ASXL1: variants seen among roughly 807,000 people sequenced by gnomAD.
ASXL1 encodes polycomb group protein ASXL1.
A neutral mutation model predicts 89.1 loss-of-function variants in ASXL1; 65 were observed. The ratio of observed to expected loss-of-function variants is 0.73; its 90% CI spans 0.60 to 0.90. The LOEUF (loss-of-function observed/expected upper bound fraction) is 0.90. ASXL1 is among the 40% of genes least tolerant of loss of function. The pLI is 0.00. For synonymous variants in ASXL1, 739 were observed against 746.9 expected (o/e 0.99, Z 0.17); for missense variants, 1,786 against 1,942.9 (o/e 0.92, Z 1.52).
intron 4 of ASXL1, among the ~76,000 whole-genome samples, chr20:32,418,306 A>G (rs2049173189): frequency 6.6e-6 from 1 of 152,194 alleles, no homozygotes; most frequent in African/African-American, 2.4e-5. Context: ...TGGGAGGTCA[A>G]GGCTGCAAAT....
At chr20:32,384,960 G>A (rs1302699894) in intron 4 of ASXL1, among the ~76,000 whole-genome samples, 1 of 151,844 alleles carries the variant, frequency 6.6e-6, no homozygotes, top group Non-Finnish European at 1.5e-5. Context: ...GGCTTCCTTG[G>A]GACTGCATTT....
chr20:32,411,047 T>TA (rs1247010175), intron 4 of ASXL1, among the ~76,000 whole-genome samples: 1 of 12,376 alleles, frequency 8.1e-5, no homozygotes, highest in Non-Finnish European at 3.0e-4. Flanking sequence ...AAAAAAAAAA[T>TA]AAAAAAAATA....
chr20:32,408,613 C>T (rs374994055), intron 4 of ASXL1, among the ~76,000 whole-genome samples: 1 of 152,092 alleles, frequency 6.6e-6, no homozygotes, highest in Non-Finnish European at 1.5e-5. Context: ...AGTGCAGTGA[C>T]GCAGTCCTAG....
intron 4 of ASXL1, among the ~76,000 whole-genome samples, chr20:32,376,622 A>G (rs989526723): frequency 1.3e-5 from 2 of 151,978 alleles, no homozygotes; most frequent in African/African-American, 4.8e-5. Context: ...TTTTAAAGGT[A>G]GTAGTGACAC....
rs1465919474 is a variant in ASXL1, at chr20:32,436,336, A to G, written c.3624A>G (p.Pro1208=). The stretch of plus-strand genomic sequence containing the variant: ...CCCAAAAGAATTGCAAGGCAGTCCC[A>G]AGTTTTGACTCCCTCCATCCAGTGA... ...GAPQKNCKAV[P]SFDSLHPVTN... The change falls in exon 13 of 13, where the codon CCA becomes CCG. Residue 1208 remains proline (P), a synonymous_variant. Transcript: ENST00000375687. 3.7e-6 allele frequency: 6 copies of G among 1,613,968 alleles called. No homozygotes were observed. The highest frequency in any genetic ancestry group is 5.1e-6 in the Non-Finnish European group (6 of 1,180,026).
At chr20:32,400,100 T>C (rs551806305) in intron 4 of ASXL1, among the ~76,000 whole-genome samples, 36 of 54,270 alleles carry the variant, frequency 6.6e-4, no homozygotes, top group Non-Finnish European at 8.5e-4. Context: ...TTTGATTTGG[T>C]TTAAAAAAAA....
chr20:32,398,603 G>GTTTTTTTTT (rs375341392), intron 4 of ASXL1, among the ~76,000 whole-genome samples: 1 of 126,448 alleles, frequency 7.9e-6, no homozygotes, highest in Non-Finnish European at 1.6e-5. Context: ...TTTTTTGTTT[G>GTTTTTTTTT]TTTTTTTTTT....
intron 4 of ASXL1, among the ~76,000 whole-genome samples, chr20:32,384,007 T>G (rs1198157915): frequency 6.6e-6 from 1 of 152,120 alleles, no homozygotes; most frequent in Non-Finnish European, 1.5e-5. Flanking sequence ...CTAGCCTTTT[T>G]AGATTGTTGT....
chr20:32,435,699 G>GT lies in ASXL1; in HGVS notation c.2988dup (p.Glu997Ter). On this transcript the variant is annotated frameshift_variant, in exon 13 of 13. Coordinates refer to ENST00000375687, the MANE Select transcript of ASXL1 (RefSeq NM_015338.6). LOFTEE classifies it low-confidence loss of function (END_TRUNC). The stretch of plus-strand genomic sequence containing the variant: ...GACTCTGAAGCACTGAGTCCTCACG[G>GT]TGAGTCCACGGATACAGCCTCTGAC... The GT allele has an allele frequency of 6.2e-7, 1 of 1,614,178 alleles. No individual in the cohort carries two copies.
chr20:32,358,975 C>T lies in ASXL1; in HGVS notation c.57+143C>T. The T allele has an allele frequency of 6.4e-6, 6 of 940,428 alleles. No homozygotes were observed. The Admixed American group carries it at 9.5e-5, about 15-fold the overall frequency. 58.3% of individuals were successfully genotyped at this position (940,428 alleles called of 1,614,324 possible). ...ATCTTCCTTTAAGAACGGGACAGCC[C>T]CGCAAGGCGAGGGGTGGGGAGCGCT... On this transcript the variant is annotated intron_variant, in intron 1 of 12. Transcript: ENST00000375687.
At chr20:32,401,544 G>GTGTGTTTTT (rs35101542) in intron 4 of ASXL1, among the ~76,000 whole-genome samples, 1,250 of 69,242 alleles carry the variant, frequency 0.018, 13 homozygotes, top group African/African-American at 0.035. Flanking sequence ...GTGTGTGTGT[G>GTGTGTTTTT]TTTTTTCCCC....
intron 4 of ASXL1, among the ~76,000 whole-genome samples, chr20:32,377,137 A>T (rs950025205): frequency 2.8e-5 from 4 of 142,212 alleles, no homozygotes; most frequent in East Asian, 2.0e-4. Flanking sequence ...TATAATATAT[A>T]TTATATATTA....
At chr20:32,413,674 A>G (rs2049088100) in intron 4 of ASXL1, among the ~76,000 whole-genome samples, 1 of 152,172 alleles carries the variant, frequency 6.6e-6, no homozygotes. Flanking sequence ...TCAGTGCTAA[A>G]ACTGGAAACT....
Position 32,368,915 on chromosome 20 carries a change from T to G in ASXL1, c.144-100T>G, listed in dbSNP as rs2048248912. 9.7e-6 allele frequency: 9 copies of G among 931,578 alleles called. No homozygotes were observed. In the East Asian group the frequency reaches 2.2e-4, roughly 23 times the overall value. 57.7% of individuals were successfully genotyped at this position (931,578 alleles called of 1,614,324 possible). Reference sequence around the variant, plus strand: ...ATGAGATTTTTTCTTCTGTATTTCTTGCTTAGCTTCTTCTCATTTAAGAAT... The same window carrying G: ...ATGAGATTTTTTCTTCTGTATTTCTGGCTTAGCTTCTTCTCATTTAAGAAT... On this transcript the variant is annotated intron_variant, in intron 3 of 12. Transcript: ENST00000375687.
At chr20:32,372,636 C>G (rs565844750) in intron 4 of ASXL1, 1 of 175,032 alleles carries the variant, frequency 5.7e-6, no homozygotes, top group Admixed American at 6.4e-5. Context: ...GCTCTGTAAC[C>G]CACGCTGGAG....
chr20:32,432,884 A>C lies in ASXL1; in HGVS notation c.984A>C (p.Glu328Asp). ...QSWRERLADG[E>D]FTHEMQVRIR... ...AAGAGGTTTATTTCTCCCTAGGTGA[A>C]TTTACTCATGAGATGCAAGTCAGGA... is the stretch of plus-strand genomic sequence containing the variant. Residue 328 changes from glutamate (E) to aspartate (D), a missense_variant, in exon 11 of 13, where the codon GAA becomes GAC. Physicochemically the swap from Glu to Asp is conservative, Grantham distance 45. Transcript: ENST00000375687. 1 of 1,613,910 alleles carries C rather than the reference A, an allele frequency of 6.2e-7. No homozygotes were observed. The highest frequency in any genetic ancestry group is 8.5e-7 in the Non-Finnish European group (1 of 1,179,962).
chr20:32,395,728 C>T (rs2048750168), intron 4 of ASXL1, among the ~76,000 whole-genome samples: 1 of 152,138 alleles, frequency 6.6e-6, no homozygotes, highest in South Asian at 2.1e-4. Context: ...CTTCATTTCA[C>T]TAGTCTTTAT....
rs527956473 is a variant in ASXL1 at position 32,432,893 on chromosome 20, T to C, written c.993T>C (p.His331=). 123 of 1,613,820 alleles carry C rather than the reference T, an allele frequency of 7.6e-5. 4 individuals are homozygous for C. In the South Asian group the frequency reaches 1.3e-3, roughly 17 times the overall value. The change falls in exon 11 of 13, where the codon CAT becomes CAC. Residue 331 remains histidine, a synonymous_variant. Coordinates refer to ENST00000375687, the MANE Select transcript of ASXL1 (RefSeq NM_015338.6). The part of the protein sequence containing the change: ...RERLADGEFT[H]EMQVRIRQEM... The stretch of plus-strand genomic sequence containing the variant: ...ATTTCTCCCTAGGTGAATTTACTCA[T>C]GAGATGCAAGTCAGGATACGACAGG...
intron 4 of ASXL1, among the ~76,000 whole-genome samples, chr20:32,387,687 GAT>G (rs1346207135): frequency 1.3e-5 from 2 of 152,194 alleles, no homozygotes; most frequent in Non-Finnish European, 2.9e-5. Context: ...GCAACGCTTA[GAT>G]CTCATCTTCC....
Sources: gnomAD v4.1 joint callset for allele counts (sites outside exome capture counted in the v4.1 genomes callset) on GRCh38, gnomAD v4.1.1 for gene constraint, MANE v1.5 for transcripts, NCBI Gene and HGNC (gene_info 2026-07-23, HGNC 2026-07-21) for gene names.